The following SOS1 variants were observed in gnomAD, a reference collection of about 807,000 sequenced individuals.
SOS1 encodes son of sevenless homolog 1.
A neutral mutation model predicts 157.6 loss-of-function variants in SOS1; 25 were observed. The ratio of observed to expected loss-of-function variants is 0.16; its 90% CI spans 0.12 to 0.22. The LOEUF (loss-of-function observed/expected upper bound fraction) is 0.22. SOS1 is among the 10% of genes least tolerant of loss of function. The pLI, the probability that SOS1 is intolerant of heterozygous loss-of-function variation, is 1.00. For missense variants in SOS1, 1,237 were observed against 1,599.1 expected, an observed-to-expected ratio of 0.77 and a Z score of 3.86; for synonymous variants, 528 against 534.0, an observed-to-expected ratio of 0.99 and a Z score of 0.16.
chr2:39,045,323 T>C (rs1670741477), intron 6 of SOS1, among the ~76,000 whole-genome samples: 1 of 151,276 alleles, frequency 6.6e-6, no homozygotes, highest in Admixed American at 6.6e-5. Flanking sequence ...TGTGTTAGTC[T>C]AATCTTCTGT....
At chr2:39,027,012 G>T (rs1377850776) in intron 8 of SOS1, among the ~76,000 whole-genome samples, 1 of 152,120 alleles carries the variant, frequency 6.6e-6, no homozygotes, top group African/African-American at 2.4e-5. Context: ...AGTTGATTGA[G>T]AATTTAATCA....
At chr2:39,029,942 G>T (rs553654980) in intron 8 of SOS1, among the ~76,000 whole-genome samples, 11 of 152,218 alleles carry the variant, frequency 7.2e-5, no homozygotes, top group African/African-American at 2.4e-4. Flanking sequence ...CTAGGTGGGA[G>T]AAGCCCTTGA....
In SOS1 at chr2:39,028,987, T is replaced by C. The variant is rs541883305; in HGVS notation, c.1075-4850A>G. 5.9e-5 allele frequency among the ~76,000 whole-genome samples: 9 copies of C among 152,336 alleles called. No homozygotes were observed. In the East Asian group the frequency reaches 1.7e-3, roughly 29 times the overall value. On this transcript the variant is annotated intron_variant, in intron 8 of 22. Transcript: ENST00000402219. ...GCAAATGTATGAAATATTATCCAAA[T>C]TATTCCAGAACTAATTAACTAACTG... is the stretch of plus-strand genomic sequence containing the variant.
intron 1 of SOS1, among the ~76,000 whole-genome samples, chr2:39,110,249 CTAA>C (rs1179553712): frequency 5.9e-5 from 9 of 152,074 alleles, no homozygotes; most frequent in Non-Finnish European, 1.2e-4. Context: ...CTCCAGATTA[CTAA>C]TAATAACTAA....
intron 6 of SOS1, among the ~76,000 whole-genome samples, chr2:39,047,543 T>C (rs141151321): frequency 6.6e-6 from 1 of 152,356 alleles, no homozygotes; most frequent in Non-Finnish European, 1.5e-5. Context: ...TGAGTAACAA[T>C]GCTGAGCATC....
intron 6 of SOS1, among the ~76,000 whole-genome samples, chr2:39,036,280 A>G (rs1464857674): frequency 6.6e-6 from 1 of 152,226 alleles, no homozygotes; most frequent in Non-Finnish European, 1.5e-5. Flanking sequence ...GCATAGTAGA[A>G]AAAGGCAGAA....
chr2:39,073,683 A>C (rs909059258), intron 1 of SOS1, among the ~76,000 whole-genome samples: 2 of 152,344 alleles, frequency 1.3e-5, no homozygotes, highest in South Asian at 2.1e-4. Flanking sequence ...GAAAAGGCAA[A>C]GGGATTTAGG....
upstream of SOS1, among the ~76,000 whole-genome samples, chr2:39,122,458 AC>A (rs1673924901): frequency 6.7e-6 from 1 of 148,520 alleles, no homozygotes; most frequent in Admixed American, 6.7e-5. Context: ...ACACACACAC[AC>A]ACACACACAC....
At chr2:39,072,782 C>T (rs1671832026) in intron 1 of SOS1, among the ~76,000 whole-genome samples, 1 of 152,110 alleles carries the variant, frequency 6.6e-6, no homozygotes. Context: ...AGACATTAAC[C>T]ATTTTCACAT....
chr2:39,006,595 A>C lies in SOS1; in HGVS notation c.2674-66T>G, dbSNP rs184433706. 6 of 824,678 alleles carry C rather than the reference A, an allele frequency of 7.3e-6. No homozygotes were observed. In the East Asian group the frequency reaches 1.5e-4, roughly 20 times the overall value. The allele number at this position is 824,678 out of a possible 1,614,324, so 51.1% of individuals were successfully genotyped here. ...CAAAGGTCTTGTCAAAAAAAATACT[A>C]GGCTAACAGAAACGCCCAAATACAA... On this transcript the variant is annotated intron_variant, in intron 16 of 22. Coordinates refer to ENST00000402219, the MANE Select transcript of SOS1 (RefSeq NM_005633.4).
chr2:39,100,085 T>G (rs183015730), intron 1 of SOS1, among the ~76,000 whole-genome samples: 33 of 152,288 alleles, frequency 2.2e-4, no homozygotes, highest in Admixed American at 2.0e-3. Context: ...TCAACATCAT[T>G]AATCATCAGA....
At chr2:39,103,742 C>T (rs1424967258) in intron 1 of SOS1, among the ~76,000 whole-genome samples, 1 of 152,116 alleles carries the variant, frequency 6.6e-6, no homozygotes, top group Non-Finnish European at 1.5e-5. Context: ...GCAATGAATT[C>T]TTAAGATCTG....
chr2:39,003,311 A>T (rs1669173800), intron 17 of SOS1, among the ~76,000 whole-genome samples: 1 of 152,168 alleles, frequency 6.6e-6, no homozygotes, highest in Non-Finnish European at 1.5e-5. Context: ...AAATGAAGCA[A>T]TTCTGTAGCA....
At chr2:39,002,926 A>G (rs772363967) in intron 17 of SOS1, among the ~76,000 whole-genome samples, 19 of 152,092 alleles carry the variant, frequency 1.2e-4, no homozygotes, top group Non-Finnish European at 2.6e-4. Flanking sequence ...TTAGCCAGGC[A>G]TAGTGGTTTG....
intron 1 of SOS1, among the ~76,000 whole-genome samples, chr2:39,108,371 C>G (rs941895793): frequency 3.9e-5 from 6 of 152,142 alleles, no homozygotes; most frequent in Non-Finnish European, 8.8e-5. Flanking sequence ...TGCAGTTGCT[C>G]CCCACTGCTG....
chr2:39,079,444 T>G (rs535202429), intron 1 of SOS1, among the ~76,000 whole-genome samples: 1 of 151,540 alleles, frequency 6.6e-6, no homozygotes, highest in Admixed American at 6.6e-5. Flanking sequence ...GGAAAGAAGA[T>G]GTAATCAGTA....
In SOS1 at chr2:39,067,129, G is replaced by A. The variant is rs542693051; in HGVS notation, c.213+499C>T. 7.2e-5 allele frequency among the ~76,000 whole-genome samples: 11 copies of A among 152,186 alleles called. 1 individual carries two copies. In the East Asian group the frequency reaches 1.9e-3, roughly 27 times the overall value. Reference sequence around the variant, plus strand: ...GGGCTCAAGTGATCCTCCTGACTCAGCGTCCTGAGTAGCTGGGACTACAGG... The same window carrying A: ...GGGCTCAAGTGATCCTCCTGACTCAACGTCCTGAGTAGCTGGGACTACAGG... On this transcript the variant is annotated intron_variant, in intron 2 of 22. Transcript: ENST00000402219.
intron 10 of SOS1, among the ~76,000 whole-genome samples, chr2:39,016,741 T>TA (rs1224523259): frequency 1.3e-5 from 2 of 151,996 alleles, no homozygotes; most frequent in East Asian, 3.9e-4. Context: ...TATTTCAGTC[T>TA]AAAAATCTAA....
In SOS1 at chr2:39,120,692, CCCCCGCCCCT is replaced by C. The variant is rs1461819851; in HGVS notation, c.-280_-271del. Among the ~76,000 whole-genome samples, 2 of 146,742 alleles carry C rather than the reference CCCCCGCCCCT, an allele frequency of 1.4e-5. No homozygotes were observed. Among genetic ancestry groups the C allele is most frequent in the Non-Finnish European group, 3.0e-5 (2 of 65,924 alleles). ...CCGCACCACCGCCCCGGGGCCAGGCCCCCCGCCCCTCCCCGGCCCGCCGGCGCCGCCCCGG... is the reference window on the plus strand; with the variant it reads ...CCGCACCACCGCCCCGGGGCCAGGCCCCCCGGCCCGCCGGCGCCGCCCCGG... On this transcript the variant is annotated 5_prime_UTR_variant, in exon 1 of 23. Transcript: ENST00000402219.
Sources: allele counts gnomAD v4.1 joint callset (sites outside exome capture counted in the v4.1 genomes callset), GRCh38; gene constraint gnomAD v4.1.1; transcripts MANE v1.5; gene names NCBI Gene and HGNC (gene_info 2026-07-23, HGNC 2026-07-21).